The following PMP22 variants were observed in gnomAD, a reference collection of about 807,000 sequenced individuals.
PMP22 encodes peripheral myelin protein 22, also known as Charcot-Marie-Tooth neuropathy 1A (greatly reduced nerve conduction velocity, hereditary motor sensory neuropathy Ia).
PMP22 carries 2 observed loss-of-function variants against 18.9 expected under a neutral mutation model. The observed-to-expected ratio is 0.11, with a 90% CI of 0.04 to 0.33. PMP22 has a LOEUF of 0.33. PMP22 is among the 10% of genes least tolerant of loss of function. The pLI is 1.00. For synonymous variants in PMP22, 95 were observed against 89.2 expected (o/e 1.07, Z -0.37); for missense variants, 169 against 202.2 (o/e 0.84, Z 1.00).
rs1906238120 is a variant in PMP22, at chr17:15,230,803, G to C, written c.*114C>G. The C allele has an allele frequency of 9.0e-7, 1 of 1,116,020 alleles. No individual in the cohort carries two copies. The highest frequency in any genetic ancestry group is 1.7e-5 in the Admixed American group (1 of 57,198). 69.1% of individuals were successfully genotyped at this position (1,116,020 alleles called of 1,614,324 possible). The stretch of plus-strand genomic sequence containing the variant: ...CCCCACCTCCACTGCTTTCTGTTTG[G>C]TTTGGTTTGAGTTTGGGATTTTGGG... On this transcript the variant is annotated 3_prime_UTR_variant, in exon 5 of 5. Transcript: ENST00000312280.
intron 3 of PMP22, among the ~76,000 whole-genome samples, chr17:15,256,235 C>T (rs1057277909): frequency 1.3e-5 from 2 of 152,204 alleles, no homozygotes; most frequent in Non-Finnish European, 2.9e-5. Context: ...GTTAGACTGC[C>T]TCATGGCACG....
At chr17:15,240,405 A>ATTTT (rs59646634) in intron 3 of PMP22, among the ~76,000 whole-genome samples, 1 of 121,432 alleles carries the variant, frequency 8.2e-6, no homozygotes, top group African/African-American at 3.1e-5. Flanking sequence ...GACAACCCGT[A>ATTTT]TTTTTTTTTT....
chr17:15,252,010 T>G (rs1359510099), intron 3 of PMP22, among the ~76,000 whole-genome samples: 1 of 152,060 alleles, frequency 6.6e-6, no homozygotes, highest in East Asian at 1.9e-4. Flanking sequence ...GTACCTCCCT[T>G]GTACCACCAG....
At chr17:15,236,646 G>A (rs1035756848) in intron 4 of PMP22, among the ~76,000 whole-genome samples, 1 of 152,140 alleles carries the variant, frequency 6.6e-6, no homozygotes, top group African/African-American at 2.4e-5. Context: ...TTCCCAAAAC[G>A]TGGGTTTCTC....
At chr17:15,263,057 G>C (rs947873622) in intron 1 of PMP22, among the ~76,000 whole-genome samples, 3 of 152,194 alleles carry the variant, frequency 2.0e-5, no homozygotes, top group Admixed American at 6.5e-5. Context: ...CGTCTTAGCC[G>C]GACACACCTG....
At chr17:15,255,711 C>A (rs912583717) in intron 3 of PMP22, among the ~76,000 whole-genome samples, 1 of 152,192 alleles carries the variant, frequency 6.6e-6, no homozygotes, top group African/African-American at 2.4e-5. Context: ...CTACCCTTAC[C>A]TTAGGTCACA....
intron 3 of PMP22, among the ~76,000 whole-genome samples, chr17:15,252,091 G>A (rs1026442187): frequency 6.6e-6 from 1 of 152,058 alleles, no homozygotes; most frequent in African/African-American, 2.4e-5. Flanking sequence ...GGTTGGCTGA[G>A]GGAGCCACGA....
chr17:15,234,386 C>A (rs766162829), intron 4 of PMP22, among the ~76,000 whole-genome samples: 8 of 152,118 alleles, frequency 5.3e-5, no homozygotes, highest in Non-Finnish European at 1.0e-4. Context: ...CATTTGAGAG[C>A]CTGGGGCAGA....
intron 3 of PMP22, among the ~76,000 whole-genome samples, chr17:15,247,025 A>ACAC (rs1567710178): frequency 7.3e-6 from 1 of 136,334 alleles, no homozygotes; most frequent in Non-Finnish European, 1.5e-5. Context: ...AGCCGAGATC[A>ACAC]CACCACTGCA....
chr17:15,245,023 T>A (rs540056600), intron 3 of PMP22, among the ~76,000 whole-genome samples: 1 of 152,266 alleles, frequency 6.6e-6, no homozygotes, highest in South Asian at 2.1e-4. Flanking sequence ...GGCTTCCACA[T>A]GCCCAGGAAA....
intron 3 of PMP22, among the ~76,000 whole-genome samples, chr17:15,242,993 T>C (rs974502904): frequency 3.3e-5 from 5 of 152,148 alleles, no homozygotes; most frequent in African/African-American, 9.7e-5. Flanking sequence ...CAAGGAATTA[T>C]ATAGAGAGCC....
At chr17:15,233,420 G>A (rs978063714) in intron 4 of PMP22, among the ~76,000 whole-genome samples, 1 of 152,190 alleles carries the variant, frequency 6.6e-6, no homozygotes, top group Non-Finnish European at 1.5e-5. Context: ...TCTCAGGATG[G>A]GTAGGTCTGC....
At chr17:15,256,505 G>T (rs925604089) in intron 3 of PMP22, among the ~76,000 whole-genome samples, 2 of 152,246 alleles carry the variant, frequency 1.3e-5, no homozygotes, top group African/African-American at 4.8e-5. Flanking sequence ...GCCAGGCGTG[G>T]TGTTGGGCGC....
At position 15,230,766 on chromosome 17, in the gene PMP22, A is replaced by G. The variant is rs572563714; in HGVS notation, c.*151T>C. On this transcript the variant is annotated 3_prime_UTR_variant, in exon 5 of 5. Coordinates refer to ENST00000312280, the MANE Select transcript of PMP22 (RefSeq NM_000304.4). The stretch of plus-strand genomic sequence containing the variant: ...ACCGGAGATATTATATACATCTTCA[A>G]TCAACAGCAACCCCCACCTCCACTG... 4.0e-6 allele frequency: 3 copies of G among 746,492 alleles called. No individual in the cohort carries two copies. Among genetic ancestry groups the G allele is most frequent in the Middle Eastern group, 3.5e-4 (1 of 2,888 alleles). The allele number at this position is 746,492 out of a possible 1,614,324, so 46.2% of individuals were successfully genotyped here.
intron 4 of PMP22, among the ~76,000 whole-genome samples, chr17:15,236,516 G>T (rs574275942): frequency 3.3e-5 from 5 of 152,266 alleles, no homozygotes; most frequent in Admixed American, 2.0e-4. Context: ...GCATTTGCCG[G>T]GCATGCACGC....
chr17:15,256,533 C>T (rs1009232333), intron 3 of PMP22, among the ~76,000 whole-genome samples: 10 of 151,992 alleles, frequency 6.6e-5, no homozygotes, highest in East Asian at 3.9e-4. Flanking sequence ...CCCAGCTACT[C>T]GGGAGGCTGA....
In PMP22 at chr17:15,230,480, G is replaced by A. The variant is rs2150663882; in HGVS notation, c.*437C>T. 5.2e-6 allele frequency: 1 copy of A among 193,892 alleles called. No individual in the cohort carries two copies. Among genetic ancestry groups the A allele is most frequent in the Non-Finnish European group, 1.1e-5 (1 of 92,668 alleles). 12.0% of individuals were successfully genotyped at this position (193,892 alleles called of 1,614,324 possible). A position where few individuals can be genotyped will look rare whatever the true frequency, so the allele number is the denominator to read the frequency against. ...CATTTGGGGTTTCTACCCACACTTT[G>A]GTTTTCTAAATGAGGTGGACTGGGA... is the stretch of plus-strand genomic sequence containing the variant. On this transcript the variant is annotated 3_prime_UTR_variant, in exon 5 of 5. Transcript: ENST00000312280.
chr17:15,255,028 G>A (rs1252004369), intron 3 of PMP22, among the ~76,000 whole-genome samples: 1 of 152,150 alleles, frequency 6.6e-6, no homozygotes, highest in Non-Finnish European at 1.5e-5. Flanking sequence ...GCCTCAACAG[G>A]TCCTAAAGTT....
In PMP22 at chr17:15,260,771, G is replaced by A. The variant is rs778453922; in HGVS notation, c.-34-10C>T. ...TCAGCGGAGTTTCTGCCTGCGAGGA[G>A]AGCGCTGGGCGTGAGGCCGAACGCA... On this transcript the variant is annotated splice_polypyrimidine_tract_variant and intron_variant, in intron 1 of 4. Transcript: ENST00000312280. 6.6e-6 allele frequency: 10 copies of A among 1,511,758 alleles called. No homozygotes were observed. Among genetic ancestry groups the A allele is most frequent in the Admixed American group, 2.0e-5 (1 of 50,916 alleles). The allele number at this position is 1,511,758 out of a possible 1,614,324, so 93.6% of individuals were successfully genotyped here.
Sources: allele counts gnomAD v4.1 joint callset (sites outside exome capture counted in the v4.1 genomes callset), GRCh38; gene constraint gnomAD v4.1.1; transcripts MANE v1.5; gene names NCBI Gene and HGNC (gene_info 2026-07-23, HGNC 2026-07-21).